STS: variants seen among roughly 807,000 people sequenced by gnomAD.
STS encodes the protein steryl-sulfatase.
In STS, 7 loss-of-function variants were observed where a neutral mutation model predicts 26.8. The ratio of observed to expected loss-of-function variants is 0.26; its 90% CI spans 0.15 to 0.49. The LOEUF (loss-of-function observed/expected upper bound fraction) is 0.49, where lower values mean the gene tolerates loss of function less well. Ranked by LOEUF, STS falls within the 20% of genes least tolerant of loss-of-function variation. STS has a pLI of 0.98. For missense variants in STS, 434 were observed against 465.6 expected (o/e 0.93, Z 0.63); for synonymous variants, 199 against 189.4 (o/e 1.05, Z -0.42).
At chrX:7,209,164 T>C (rs1190600588) in intron 2 of STS, among the ~76,000 whole-genome samples, 1 of 111,184 alleles carries the variant, frequency 9.0e-6, no homozygotes, top group East Asian at 2.8e-4. Flanking sequence ...GTCCCTTTCT[T>C]CTTTCTGTTT....
rs868393580 is a variant in STS, at chrX:7,205,613, T to C, written c.-5+14605T>C. 5.6e-5 allele frequency among the ~76,000 whole-genome samples: 6 copies of C among 106,631 alleles called. No individual in the cohort carries two copies. In the Admixed American group the frequency reaches 6.3e-4, roughly 11 times the overall value. The allele number at this position is 106,631 out of a possible 115,157, so 92.6% of individuals were successfully genotyped here. A position where few individuals can be genotyped will look rare whatever the true frequency, so the allele number is the denominator to read the frequency against. On this transcript the variant is annotated intron_variant, in intron 2 of 10. Transcript: ENST00000674429. ...TTTTCTTTTTCTTTTTCTTTTCTTT[T>C]CTTTCGTTTTCTTTTCTTTTCTTTT... is the stretch of plus-strand genomic sequence containing the variant.
intron 2 of STS, among the ~76,000 whole-genome samples, chrX:7,205,893 G>C (rs1282799943): frequency 9.2e-6 from 1 of 108,227 alleles, no homozygotes; most frequent in Non-Finnish European, 1.9e-5. Context: ...TGGGATTACA[G>C]GTGTGAGCCA....
At chrX:7,152,173 C>T (rs1046691494) in intron 1 of STS, among the ~76,000 whole-genome samples, 85 of 110,128 alleles carry the variant, frequency 7.7e-4, no homozygotes, top group Non-Finnish European at 1.4e-3. Flanking sequence ...AGGATGGTCT[C>T]GATTTCCTGA....
chrX:7,191,025 C>A lies in STS; in HGVS notation c.-5+17C>A. 2 of 750,672 alleles carry A rather than the reference C, an allele frequency of 2.7e-6. No homozygotes were observed. The highest frequency in any genetic ancestry group is 3.1e-6 in the Non-Finnish European group (2 of 636,330). 61.9% of individuals were successfully genotyped at this position (750,672 alleles called of 1,213,427 possible). On this transcript the variant is annotated intron_variant, in intron 2 of 10. Coordinates refer to ENST00000674429, the MANE Select transcript of STS (RefSeq NM_001320752.2). ...GTTCATAGCGTAAGTATGAGAGGTGCATATGTTTGTATCTTCGCCCTGAAA... is the reference window on the plus strand; with the variant it reads ...GTTCATAGCGTAAGTATGAGAGGTGAATATGTTTGTATCTTCGCCCTGAAA...
chrX:7,280,431 G>T (rs1167508655), intron 7 of STS, among the ~76,000 whole-genome samples: 6 of 111,738 alleles, frequency 5.4e-5, no homozygotes, highest in African/African-American at 2.0e-4. Context: ...GAATTCTTTG[G>T]GCAATCATGG....
chrX:7,223,127 C>CT (rs1160599227), intron 2 of STS, among the ~76,000 whole-genome samples: 2 of 111,359 alleles, frequency 1.8e-5, no homozygotes, highest in African/African-American at 6.5e-5. Flanking sequence ...ATATATACCA[C>CT]TTTTTTTTAT....
At chrX:7,343,823 C>T (rs569262411) in intron 10 of STS, among the ~76,000 whole-genome samples, 1 of 112,355 alleles carries the variant, frequency 8.9e-6, no homozygotes, top group African/African-American at 3.2e-5. Flanking sequence ...CTAAGAAAGG[C>T]AAATGCTCTT....
chrX:7,339,017 C>T (rs1928163403), intron 10 of STS, among the ~76,000 whole-genome samples: 1 of 111,884 alleles, frequency 8.9e-6, no homozygotes, highest in Admixed American at 9.5e-5. Context: ...AAATCAAAAC[C>T]AGCTTACCGT....
At chrX:7,306,598 T>A (rs751472392) in intron 8 of STS, among the ~76,000 whole-genome samples, 6 of 111,553 alleles carry the variant, frequency 5.4e-5, no homozygotes, top group Non-Finnish European at 1.1e-4. Flanking sequence ...GATGATGACG[T>A]GAAGCCTGGG....
chrX:7,265,991 T>A (rs1000316010), intron 6 of STS, among the ~76,000 whole-genome samples: 6 of 112,168 alleles, frequency 5.3e-5, no homozygotes, highest in Non-Finnish European at 9.4e-5. Flanking sequence ...TATTTCATTA[T>A]CCAGAATATC....
At chrX:7,197,317 G>T (rs1344931097) in intron 2 of STS, among the ~76,000 whole-genome samples, 1 of 111,902 alleles carries the variant, frequency 8.9e-6, no homozygotes, top group Non-Finnish European at 1.9e-5. Context: ...ACCATGCAGT[G>T]CATCCTACTG....
chrX:7,260,941 A>G (rs1923712897), intron 6 of STS, among the ~76,000 whole-genome samples: 1 of 111,476 alleles, frequency 9.0e-6, no homozygotes, highest in Non-Finnish European at 1.9e-5. Flanking sequence ...GGGGATTGCA[A>G]TCTGTAAATG....
intron 7 of STS, among the ~76,000 whole-genome samples, chrX:7,289,192 T>A (rs1298152305): frequency 9.0e-6 from 1 of 111,284 alleles, no homozygotes; most frequent in South Asian, 3.8e-4. Flanking sequence ...TTGGACTGGC[T>A]TCTGTAGCCA....
intron 1 of STS, among the ~76,000 whole-genome samples, chrX:7,155,499 T>C (rs905487368): frequency 4.5e-4 from 51 of 112,339 alleles, no homozygotes; most frequent in Non-Finnish European, 2.1e-4. Context: ...ATTATGTTTA[T>C]ATGTATATAT....
chrX:7,244,059 ACT>A (rs1441288206), intron 2 of STS, among the ~76,000 whole-genome samples: 1 of 111,020 alleles, frequency 9.0e-6, no homozygotes, highest in Non-Finnish European at 1.9e-5. Flanking sequence ...ACAGAGTGAG[ACT>A]CTGTCTAAGA....
intron 8 of STS, among the ~76,000 whole-genome samples, chrX:7,317,494 C>T (rs1305996689): frequency 9.0e-6 from 1 of 110,886 alleles, no homozygotes; most frequent in Non-Finnish European, 1.9e-5. Context: ...TTTAAGGCAG[C>T]GTTTCACTTT....
chrX:7,191,210 TC>T (rs142560162), intron 2 of STS, among the ~76,000 whole-genome samples: 33,371 of 110,868 alleles, frequency 0.3, 3,804 homozygotes, highest in Middle Eastern at 0.47. Flanking sequence ...CATCAAAAGG[TC>T]AAAGGGGAGC....
intron 1 of STS, among the ~76,000 whole-genome samples, chrX:7,166,529 A>G (rs1457335430): frequency 8.9e-6 from 1 of 111,816 alleles, no homozygotes; most frequent in African/African-American, 3.3e-5. Flanking sequence ...GATCATATAA[A>G]ATAATTTACA....
intron 10 of STS, among the ~76,000 whole-genome samples, chrX:7,338,414 G>C (rs1214646304): frequency 1.8e-5 from 2 of 112,273 alleles, no homozygotes; most frequent in Non-Finnish European, 3.8e-5. Flanking sequence ...ATGCAATATA[G>C]TACATAGTTA....
Sources: gnomAD v4.1 joint callset for allele counts (sites outside exome capture counted in the v4.1 genomes callset) on GRCh38, gnomAD v4.1.1 for gene constraint, MANE v1.5 for transcripts, NCBI Gene and HGNC (gene_info 2026-07-23, HGNC 2026-07-21) for gene names.